The following PPIL1 variants were observed in gnomAD, a reference collection of about 807,000 sequenced individuals.
The protein encoded by PPIL1 is peptidyl-prolyl cis-trans isomerase-like 1.
A neutral mutation model predicts 19.4 loss-of-function variants in PPIL1; 14 were observed. The ratio of observed to expected loss-of-function variants is 0.72; its 90% CI spans 0.48 to 1.13. The LOEUF is 1.13. Ranked by LOEUF, PPIL1 falls within the 50% of genes most tolerant of loss-of-function variation. The probability of loss-of-function intolerance (pLI) is 0.00; values close to 1 mark genes in which losing one functional copy is unlikely to be tolerated. For missense variants in PPIL1, 192 were observed against 218.0 expected (o/e 0.88, Z 0.75); for synonymous variants, 72 against 73.6 (o/e 0.98, Z 0.11).
At position 36,856,960 on chromosome 6, in the gene PPIL1, C is replaced by G. The variant is rs774272649; in HGVS notation, c.212-306G>C. 1.4e-3 allele frequency among the ~76,000 whole-genome samples: 213 copies of G among 152,234 alleles called. 3 individuals carry two copies. Among genetic ancestry groups the G allele is most frequent in the Admixed American group, 3.1e-3 (48 of 15,298 alleles). On this transcript the variant is annotated intron_variant, in intron 2 of 3. Coordinates refer to ENST00000373699, the MANE Select transcript of PPIL1 (RefSeq NM_016059.5). ...ACATTATCAAAAGAACATTAAAATC[C>G]TCTGTAACCTGACCATCTAGAGATA...
In PPIL1 at chr6:36,855,378, C is replaced by T; in HGVS notation, c.*435G>A. 4.5e-6 allele frequency: 1 copy of T among 221,992 alleles called. No homozygotes were observed. Among genetic ancestry groups the T allele is most frequent in the African/African-American group, 2.2e-5 (1 of 44,602 alleles). 13.8% of individuals were successfully genotyped at this position (221,992 alleles called of 1,614,324 possible). On this transcript the variant is annotated 3_prime_UTR_variant, in exon 4 of 4. Transcript: ENST00000373699. ...GCGTGCACAGAGTTAAGAGGGCTGA[C>T]AGACACTACTTGGTTTGGAATTCTG...
chr6:36,858,182 C>T (rs1248572993), intron 2 of PPIL1, among the ~76,000 whole-genome samples: 7 of 139,434 alleles, frequency 5.0e-5, no homozygotes, highest in Admixed American at 4.0e-4. Context: ...TGCAGTGAGC[C>T]GAGATCATGC....
chr6:36,859,346 A>C (rs964900553), intron 2 of PPIL1, among the ~76,000 whole-genome samples: 6 of 149,782 alleles, frequency 4.0e-5, no homozygotes, highest in African/African-American at 1.5e-4. Flanking sequence ...AATCGCTTGA[A>C]CCTGGGAGGC....
chr6:36,864,039 T>A (rs756912071), intron 2 of PPIL1, among the ~76,000 whole-genome samples: 1 of 151,884 alleles, frequency 6.6e-6, no homozygotes, highest in Non-Finnish European at 1.5e-5. Flanking sequence ...TATCTTGGTG[T>A]TTGCTTCCCA....
At position 36,856,718 on chromosome 6, in the gene PPIL1, A is replaced by G; in HGVS notation, c.212-64T>C. The G allele has an allele frequency of 3.5e-6, 5 of 1,448,898 alleles. No homozygotes were observed. The South Asian group carries it at 4.6e-5, about 13-fold the overall frequency. The allele number at this position is 1,448,898 out of a possible 1,614,324, so 89.8% of individuals were successfully genotyped here. On this transcript the variant is annotated intron_variant, in intron 2 of 3. Coordinates refer to ENST00000373699, the MANE Select transcript of PPIL1 (RefSeq NM_016059.5). ...CACATTCTATCTCACAGCAAGAATG[A>G]TGGCCCAGGGTCAAAGGATTTCTCA...
rs1248755173 is a variant in PPIL1, at chr6:36,855,055, C to A, written c.*758G>T. 3 of 152,660 alleles carry A rather than the reference C, an allele frequency of 2.0e-5. No individual in the cohort carries two copies. Among genetic ancestry groups the A allele is most frequent in the African/African-American group, 7.2e-5 (3 of 41,448 alleles). The allele number at this position is 152,660 out of a possible 1,614,324, so 9.5% of individuals were successfully genotyped here. A position where few individuals can be genotyped will look rare whatever the true frequency, so the allele number is the denominator to read the frequency against. ...CTACTTCTCAAGGAGGATTCATGGT[C>A]TGTCCTTTGCTCACTACAGATTTCT... On this transcript the variant is annotated 3_prime_UTR_variant, in exon 4 of 4. Coordinates refer to ENST00000373699, the MANE Select transcript of PPIL1 (RefSeq NM_016059.5).
At chr6:36,864,982 A>T (rs534166552) in intron 2 of PPIL1, among the ~76,000 whole-genome samples, 241 of 99,576 alleles carry the variant, frequency 2.4e-3, no homozygotes, top group African/African-American at 8.4e-3. Context: ...AATTAACAAT[A>T]AAAAAAAAAA....
At chr6:36,859,150 G>T (rs936651218) in intron 2 of PPIL1, among the ~76,000 whole-genome samples, 8 of 152,166 alleles carry the variant, frequency 5.3e-5, no homozygotes, top group Admixed American at 2.0e-4. Context: ...AGATGGGCTG[G>T]GCATGGTGGC....
intron 2 of PPIL1, among the ~76,000 whole-genome samples, chr6:36,860,296 C>G (rs1241579451): frequency 6.6e-6 from 1 of 151,996 alleles, no homozygotes; most frequent in African/African-American, 2.4e-5. Context: ...TGAAACTCGT[C>G]TCTACAAAAA....
chr6:36,870,181 C>T (rs1774479424), intron 2 of PPIL1, among the ~76,000 whole-genome samples: 1 of 149,122 alleles, frequency 6.7e-6, no homozygotes, highest in African/African-American at 2.5e-5. Context: ...CAAAAAAGAA[C>T]AAGACTGAGA....
intron 2 of PPIL1, chr6:36,858,672 G>C (rs1206346435): frequency 6.6e-6 from 1 of 152,242 alleles, no homozygotes; most frequent in Non-Finnish European, 1.5e-5. Flanking sequence ...TAACAGACTA[G>C]GGGAAACCTC....
Position 36,856,042 on chromosome 6 carries a change from A to G in PPIL1, c.281-9T>C, listed in dbSNP as rs754802802. On this transcript the variant is annotated splice_polypyrimidine_tract_variant and intron_variant, in intron 3 of 3. Coordinates refer to ENST00000373699, the MANE Select transcript of PPIL1 (RefSeq NM_016059.5). The stretch of plus-strand genomic sequence containing the variant: ...TGCGAGAATTCCAGCCCCTGGTGGG[A>G]AAAAGGAAGAAAGGAAAGAGTATAA... 24 of 1,611,544 alleles carry G rather than the reference A, an allele frequency of 1.5e-5. No homozygotes were observed. In the East Asian group the frequency reaches 5.4e-4, roughly 36 times the overall value.
At chr6:36,869,497 T>C (rs78227941) in intron 2 of PPIL1, among the ~76,000 whole-genome samples, 71 of 152,110 alleles carry the variant, frequency 4.7e-4, no homozygotes, top group African/African-American at 1.6e-3. Context: ...TTCTGAAACA[T>C]GAATGAACTT....
At position 36,856,669 on chromosome 6, in the gene PPIL1, G is replaced by C; in HGVS notation, c.212-15C>G. Reference sequence around the variant, plus strand: ...ACCACCTCGACCTGCCCGATTGGAAGATGACACATGAATCAGCCAGTCACA... The same window carrying C: ...ACCACCTCGACCTGCCCGATTGGAACATGACACATGAATCAGCCAGTCACA... On this transcript the variant is annotated splice_polypyrimidine_tract_variant and intron_variant, in intron 2 of 3. Coordinates refer to ENST00000373699, the MANE Select transcript of PPIL1 (RefSeq NM_016059.5). The C allele has an allele frequency of 6.2e-7, 1 of 1,611,544 alleles. No individual in the cohort carries two copies. The highest frequency in any genetic ancestry group is 1.3e-5 in the African/African-American group (1 of 75,000).
Position 36,855,807 on chromosome 6 carries a change from G to T in PPIL1, c.*6C>A, listed in dbSNP as rs377723904. 5 of 1,613,644 alleles carry T rather than the reference G, an allele frequency of 3.1e-6. No individual in the cohort carries two copies. In the African/African-American group the frequency reaches 5.3e-5, roughly 17 times the overall value. On this transcript the variant is annotated 3_prime_UTR_variant, in exon 4 of 4. Coordinates refer to ENST00000373699, the MANE Select transcript of PPIL1 (RefSeq NM_016059.5). ...CTCAGAAGAGCTGCTCAAGAGGGTA[G>T]CAAGTCTACCCAGAAGGGTATGCCT...
At chr6:36,862,466 C>T (rs998429363) in intron 2 of PPIL1, among the ~76,000 whole-genome samples, 3 of 152,206 alleles carry the variant, frequency 2.0e-5, no homozygotes, top group African/African-American at 4.8e-5. Context: ...CTGATACAAA[C>T]AGAAGTCGCT....
chr6:36,857,832 T>C lies in PPIL1; in HGVS notation c.212-1178A>G, dbSNP rs529105824. Among the ~76,000 whole-genome samples the C allele has an allele frequency of 7.2e-5, 11 of 152,284 alleles. No homozygotes were observed. In the East Asian group the frequency reaches 2.1e-3, roughly 29 times the overall value. On this transcript the variant is annotated intron_variant, in intron 2 of 3. Coordinates refer to ENST00000373699, the MANE Select transcript of PPIL1 (RefSeq NM_016059.5). ...GAAGAAACATGGGATTGGGAATTAT[T>C]TGCTAGCAGCATCACCACCAAATGT... is the stretch of plus-strand genomic sequence containing the variant.
intron 2 of PPIL1, among the ~76,000 whole-genome samples, chr6:36,860,645 TCTC>T (rs1774266464): frequency 1.3e-5 from 2 of 151,850 alleles, no homozygotes; most frequent in Non-Finnish European, 2.9e-5. Context: ...CACCACTCAT[TCTC>T]CTGAGAGCTA....
At position 36,874,759 on chromosome 6, in the gene PPIL1, G is replaced by A. The variant is rs1407884490; in HGVS notation, c.14C>T (p.Pro5Leu). 3 of 1,614,158 alleles carry A rather than the reference G, an allele frequency of 1.9e-6. No homozygotes were observed. Among genetic ancestry groups the A allele is most frequent in the South Asian group, 1.1e-5 (1 of 91,080 alleles). The change falls in exon 1 of 4, where the codon CCC becomes CTC. Residue 5 changes from proline (P) to leucine (L), a missense_variant. Coordinates refer to ENST00000373699, the MANE Select transcript of PPIL1 (RefSeq NM_016059.5). MAAI[P>L]PDSWQPPNVY... is the part of the protein sequence containing the mutation. ...GTTGGGTGGCTGCCAGGAATCTGGG[G>A]GAATTGCCGCCATAGCGAAGCCGGC...
Sources: allele counts gnomAD v4.1 joint callset (sites outside exome capture counted in the v4.1 genomes callset), GRCh38; gene constraint gnomAD v4.1.1; transcripts MANE v1.5; gene names NCBI Gene and HGNC (gene_info 2026-07-23, HGNC 2026-07-21).